UBE2E1: variants seen among roughly 807,000 people sequenced by gnomAD.
The protein encoded by UBE2E1 is ubiquitin-conjugating enzyme E2 E1.
UBE2E1 carries 6 observed loss-of-function variants against 21.4 expected under a neutral mutation model. That is an observed-to-expected ratio of 0.28 (90% CI 0.15 to 0.55). The LOEUF (loss-of-function observed/expected upper bound fraction) is 0.55, where lower values mean the gene tolerates loss of function less well. UBE2E1 is among the 20% of genes least tolerant of loss of function. UBE2E1 has a pLI of 0.93. For missense variants in UBE2E1, 142 were observed against 236.5 expected (o/e 0.60, Z 2.62); for synonymous variants, 87 against 82.7 (o/e 1.05, Z -0.28).
At position 23,857,213 on chromosome 3, in the gene UBE2E1, AGAG is replaced by A. The variant is rs371736478; in HGVS notation, c.204-30352_204-30350del. ...AGCTGGCCCAGCAGCCTGGAGGGGT[AGAG>A]GTGTTCAGGAGTATGTTTTAGAGTC... On this transcript the variant is annotated intron_variant, in intron 3 of 5. Transcript: ENST00000306627. Among the ~76,000 whole-genome samples, 246 of 152,090 alleles carry A rather than the reference AGAG, an allele frequency of 1.6e-3. 1 individual carries two copies. Among genetic ancestry groups the A allele is most frequent in the African/African-American group, 5.7e-3 (237 of 41,516 alleles).
intron 3 of UBE2E1, among the ~76,000 whole-genome samples, chr3:23,821,222 A>G (rs144319764): frequency 9.2e-5 from 14 of 152,040 alleles, no homozygotes; most frequent in Admixed American, 3.3e-4. Context: ...AAAGAAATTG[A>G]CAGAGTGCAG....
chr3:23,882,290 C>G (rs1181927720), intron 3 of UBE2E1, among the ~76,000 whole-genome samples: 1 of 152,228 alleles, frequency 6.6e-6, no homozygotes, highest in Admixed American at 6.5e-5. Flanking sequence ...TTTACAATCT[C>G]TGAGCTAGAC....
At chr3:23,835,696 A>G (rs1197015257) in intron 3 of UBE2E1, among the ~76,000 whole-genome samples, 21 of 152,212 alleles carry the variant, frequency 1.4e-4, no homozygotes, top group Non-Finnish European at 2.8e-4. Context: ...TTCAAAATAA[A>G]AAGTGAATCA....
chr3:23,877,851 A>G (rs1023592059), intron 3 of UBE2E1, among the ~76,000 whole-genome samples: 5 of 152,184 alleles, frequency 3.3e-5, no homozygotes, highest in Non-Finnish European at 4.4e-5. Flanking sequence ...AACATTAGTC[A>G]TTGTACTATG....
At chr3:23,829,568 C>T (rs563694616) in intron 3 of UBE2E1, among the ~76,000 whole-genome samples, 5 of 152,164 alleles carry the variant, frequency 3.3e-5, no homozygotes, top group South Asian at 2.1e-4. Flanking sequence ...TCCCAAAGCA[C>T]GGGGTTTACC....
rs769767876 is a variant in UBE2E1, at chr3:23,810,486, T to G, written c.153-974T>G. 6.5e-7 allele frequency: 1 copy of G among 1,535,342 alleles called. No homozygotes were observed. Among genetic ancestry groups the G allele is most frequent in the East Asian group, 2.4e-5 (1 of 40,822 alleles). On this transcript the variant is annotated intron_variant, in intron 2 of 5. Coordinates refer to ENST00000306627, the MANE Select transcript of UBE2E1 (RefSeq NM_003341.5). The surrounding 1 kb of genome is among the most constrained non-coding windows in gnomAD (Gnocchi z 5.8). ...GCTAGAGAGCGGACCATGAAGGAAG[T>G]GGGCAGACCCCGGGAAGTTAGAGGA...
At chr3:23,835,294 A>T (rs1008228698) in intron 3 of UBE2E1, among the ~76,000 whole-genome samples, 7 of 152,144 alleles carry the variant, frequency 4.6e-5, no homozygotes, top group Admixed American at 1.3e-4. Flanking sequence ...GTATAGCAAG[A>T]TCCTGTCTAC....
chr3:23,815,483 C>CT (rs1699496080), intron 3 of UBE2E1, among the ~76,000 whole-genome samples: 1 of 152,220 alleles, frequency 6.6e-6, no homozygotes, highest in Non-Finnish European at 1.5e-5. Flanking sequence ...GATCCTGCTC[C>CT]TTGCACACAG....
intron 3 of UBE2E1, among the ~76,000 whole-genome samples, chr3:23,847,380 C>G (rs1466072328): frequency 1.3e-5 from 2 of 151,616 alleles, no homozygotes; most frequent in Non-Finnish European, 1.5e-5. Context: ...AGTATGATAA[C>G]TATGACTGAA....
intron 3 of UBE2E1, among the ~76,000 whole-genome samples, chr3:23,843,825 A>G (rs1700140745): frequency 6.6e-6 from 1 of 152,250 alleles, no homozygotes; most frequent in Non-Finnish European, 1.5e-5. Context: ...AAAATTAACA[A>G]CAAACTGTGT....
At chr3:23,872,338 G>C (rs910285496) in intron 3 of UBE2E1, among the ~76,000 whole-genome samples, 5 of 151,962 alleles carry the variant, frequency 3.3e-5, no homozygotes, top group African/African-American at 4.8e-5. Context: ...GTCCAGCTTC[G>C]GCTCGGCATC....
chr3:23,847,983 C>G (rs2125305160), intron 3 of UBE2E1, among the ~76,000 whole-genome samples: 1 of 152,274 alleles, frequency 6.6e-6, no homozygotes, highest in Admixed American at 6.5e-5. Flanking sequence ...CCCCTTTCCC[C>G]TACCTCCTTT....
chr3:23,814,667 G>T (rs182373628), intron 3 of UBE2E1, among the ~76,000 whole-genome samples: 38 of 152,230 alleles, frequency 2.5e-4, no homozygotes, highest in Admixed American at 2.2e-3. Flanking sequence ...ATGCCTTTTA[G>T]ATAGCTGATG....
chr3:23,818,978 GAA>G, intron 3 of UBE2E1, among the ~76,000 whole-genome samples: 1 of 152,192 alleles, frequency 6.6e-6, no homozygotes, highest in East Asian at 1.9e-4. Flanking sequence ...AATATAGAGA[GAA>G]AAAGAGTAAA....
chr3:23,890,756 A>AACTT lies in UBE2E1; in HGVS notation c.*152_*155dup. The stretch of plus-strand genomic sequence containing the variant: ...GTCTTATTTCCTAAGATTTTGTTGT[A>AACTT]ACTTAAGGTATCTTGCTACAGTAGA... On this transcript the variant is annotated 3_prime_UTR_variant, in exon 6 of 6. Coordinates refer to ENST00000306627, the MANE Select transcript of UBE2E1 (RefSeq NM_003341.5). 3.1e-6 allele frequency: 2 copies of AACTT among 652,452 alleles called. No individual in the cohort carries two copies. Among genetic ancestry groups the AACTT allele is most frequent in the Non-Finnish European group, 4.7e-6 (2 of 424,452 alleles). The allele number at this position is 652,452 out of a possible 1,614,324, so 40.4% of individuals were successfully genotyped here.
At chr3:23,830,417 TTTTTTG>T (rs3035201) in intron 3 of UBE2E1, among the ~76,000 whole-genome samples, 2 of 138,656 alleles carry the variant, frequency 1.4e-5, no homozygotes, top group Admixed American at 7.5e-5. Flanking sequence ...GTGGGTTCAT[TTTTTTG>T]TTTTTGTTTT....
intron 3 of UBE2E1, among the ~76,000 whole-genome samples, chr3:23,834,673 G>A (rs919842416): frequency 6.6e-6 from 1 of 152,086 alleles, no homozygotes; most frequent in African/African-American, 2.4e-5. Context: ...AGGCTGCAGT[G>A]GGCTGTGATT....
At chr3:23,884,727 C>A (rs757438153) in intron 3 of UBE2E1, among the ~76,000 whole-genome samples, 1 of 152,112 alleles carries the variant, frequency 6.6e-6, no homozygotes, top group Non-Finnish European at 1.5e-5. Flanking sequence ...ATGAACAGTA[C>A]GACTCCTGCC....
chr3:23,854,023 C>CT (rs1700384422), intron 3 of UBE2E1, among the ~76,000 whole-genome samples: 1 of 152,032 alleles, frequency 6.6e-6, no homozygotes, highest in African/African-American at 2.4e-5. Flanking sequence ...TTTGGGAGAC[C>CT]GAGGTGCATG....
Sources: allele counts gnomAD v4.1 joint callset (sites outside exome capture counted in the v4.1 genomes callset), GRCh38; gene constraint gnomAD v4.1.1; non-coding constraint Gnocchi (gnomAD v3.1); transcripts MANE v1.5; gene names NCBI Gene and HGNC (gene_info 2026-07-23, HGNC 2026-07-21).